The following IDE variants were observed in gnomAD, a reference collection of about 807,000 sequenced individuals.
The protein encoded by IDE is insulin degrading enzyme, also known as insulin-degrading enzyme.
In IDE, 58 loss-of-function variants were observed where a neutral mutation model predicts 133.2. The ratio of observed to expected loss-of-function variants is 0.44; its 90% confidence interval spans 0.35 to 0.54. IDE has a LOEUF of 0.54. IDE is among the 20% of genes least tolerant of loss of function. The pLI is 0.00. For missense variants in IDE, 981 were observed against 1,234.0 expected, an observed-to-expected ratio of 0.79 and a Z score of 3.07; for synonymous variants, 396 against 421.3, an observed-to-expected ratio of 0.94 and a Z score of 0.73.
At chr10:92,569,880 TG>T (rs1036332764) in intron 1 of IDE, among the ~76,000 whole-genome samples, 2 of 151,942 alleles carry the variant, frequency 1.3e-5, no homozygotes, top group African/African-American at 2.4e-5. Flanking sequence ...GAGGCCAAGG[TG>T]GGCAGATCAC....
chr10:92,493,180 T>C (rs77479858), intron 11 of IDE, among the ~76,000 whole-genome samples: 1 of 152,130 alleles, frequency 6.6e-6, no homozygotes, highest in Non-Finnish European at 1.5e-5. Context: ...ACAGAAATCA[T>C]ATAGCTATAT....
In IDE at chr10:92,541,556, A is replaced by T. The variant is rs116315749; in HGVS notation, c.99-4006T>A. 2.0e-5 allele frequency among the ~76,000 whole-genome samples: 3 copies of T among 152,202 alleles called. No individual in the cohort carries two copies. The South Asian group carries it at 6.2e-4, about 31-fold the overall frequency. On this transcript the variant is annotated intron_variant, in intron 1 of 24. Coordinates refer to ENST00000265986, the MANE Select transcript of IDE (RefSeq NM_004969.4). The stretch of plus-strand genomic sequence containing the variant: ...TTATATTTTTAACTTGTTAAAGTTA[A>T]AATTTTAGGAGCAATAAAATTACTT...
At chr10:92,486,242 T>A (rs1846987705) in intron 13 of IDE, among the ~76,000 whole-genome samples, 2 of 151,920 alleles carry the variant, frequency 1.3e-5, no homozygotes, top group South Asian at 4.2e-4. Flanking sequence ...CCCAGCTACT[T>A]GGGAGGCTAA....
chr10:92,482,341 TAAGTA>T (rs1484986310), intron 14 of IDE, among the ~76,000 whole-genome samples: 2 of 152,194 alleles, frequency 1.3e-5, no homozygotes, highest in African/African-American at 2.4e-5. Context: ...AACACACAAA[TAAGTA>T]AAGGAAGACA....
chr10:92,472,094 G>A (rs971890249), intron 17 of IDE, among the ~76,000 whole-genome samples: 1 of 152,076 alleles, frequency 6.6e-6, no homozygotes, highest in Non-Finnish European at 1.5e-5. Context: ...AGCCATTCTG[G>A]CATTTTGGAT....
chr10:92,474,967 G>A lies in IDE; in HGVS notation c.1996-6C>T, dbSNP rs1287744936. 6.3e-7 allele frequency: 1 copy of A among 1,592,094 alleles called. No homozygotes were observed. The highest frequency in any genetic ancestry group is 8.5e-7 in the Non-Finnish European group (1 of 1,171,836). On this transcript the variant is annotated splice_region_variant and splice_polypyrimidine_tract_variant and intron_variant, in intron 16 of 24. Coordinates refer to ENST00000265986, the MANE Select transcript of IDE (RefSeq NM_004969.4). ...TTGTTAAGAGATCGCATATACTAGT[G>A]AAAGAGACATGCGTTCATTAATTTT...
chr10:92,566,802 C>T (rs1050493870), intron 1 of IDE, among the ~76,000 whole-genome samples: 2 of 152,064 alleles, frequency 1.3e-5, no homozygotes, highest in East Asian at 1.9e-4. Flanking sequence ...GACTACCCCC[C>T]ACCCAAAAAA....
In IDE at chr10:92,454,225, A is replaced by T. The variant is rs1039574184; in HGVS notation, c.*219T>A. On this transcript the variant is annotated 3_prime_UTR_variant, in exon 25 of 25. Coordinates refer to ENST00000265986, the MANE Select transcript of IDE (RefSeq NM_004969.4). ...TCTCAGTAATCAAAAGAAAAATTTT[A>T]AAATATTTAAGAGGCATGTATTTAA... The T allele has an allele frequency of 2.7e-6, 1 of 364,732 alleles. No homozygotes were observed. Among genetic ancestry groups the T allele is most frequent in the African/African-American group, 2.1e-5 (1 of 48,674 alleles). The allele number at this position is 364,732 out of a possible 1,614,324, so 22.6% of individuals were successfully genotyped here.
intron 11 of IDE, among the ~76,000 whole-genome samples, chr10:92,501,175 C>T (rs907983492): frequency 3.4e-5 from 5 of 147,808 alleles, no homozygotes; most frequent in African/African-American, 1.0e-4. Flanking sequence ...ATCTGGGCAA[C>T]ATAGTGAGAC....
intron 10 of IDE, among the ~76,000 whole-genome samples, chr10:92,506,184 T>C (rs1021708533): frequency 6.6e-5 from 10 of 152,224 alleles, no homozygotes; most frequent in African/African-American, 2.2e-4. Context: ...ACACCTGATA[T>C]GCTGTAGAAC....
chr10:92,557,268 G>A (rs773774638), intron 1 of IDE, among the ~76,000 whole-genome samples: 7 of 152,148 alleles, frequency 4.6e-5, no homozygotes, highest in Non-Finnish European at 7.3e-5. Context: ...CAGGCACGGC[G>A]GCTCACACCT....
chr10:92,529,727 T>A (rs1390495142), intron 4 of IDE, among the ~76,000 whole-genome samples: 1 of 152,032 alleles, frequency 6.6e-6, no homozygotes. Flanking sequence ...AAAAAAATGT[T>A]CCTTGTTTGT....
intron 5 of IDE, among the ~76,000 whole-genome samples, chr10:92,512,830 G>A (rs544186207): frequency 6.6e-6 from 1 of 152,198 alleles, no homozygotes; most frequent in African/African-American, 2.4e-5. Context: ...GGTAACAAAA[G>A]TTACCATAAT....
At chr10:92,510,241 T>C (rs538355472) in intron 5 of IDE, 79 bp from the exon 6 acceptor site, 1 of 704,976 alleles carries the variant, frequency 1.4e-6, no homozygotes, top group East Asian at 2.6e-5. Flanking sequence ...TCTTAGGATC[T>C]CCTGAAAAGT....
Position 92,468,914 on chromosome 10 carries a change from T to C in IDE, c.2285A>G (p.Gln762Arg). ...HAHTKPLLPS[Q>R]LVRYREVQLP... Reference sequence around the variant, plus strand: ...CTGAACTTCTCTATACCGAACCAGCTGACTTGGAAGGAGAGGTTTGGTATG... The same window carrying C: ...CTGAACTTCTCTATACCGAACCAGCCGACTTGGAAGGAGAGGTTTGGTATG... Residue 762 changes from glutamine (Q) to arginine (R), a missense_variant, in exon 19 of 25, where the codon CAG becomes CGG. This residue lies in a region of IDE where 660 missense variants were observed against 894.7 expected (regional missense o/e 0.74). Coordinates refer to ENST00000265986, the MANE Select transcript of IDE (RefSeq NM_004969.4). The C allele has an allele frequency of 1.2e-6, 2 of 1,612,170 alleles. No individual in the cohort carries two copies. Among genetic ancestry groups the C allele is most frequent in the Non-Finnish European group, 1.7e-6 (2 of 1,178,218 alleles).
At chr10:92,557,554 A>C (rs141177336) in intron 1 of IDE, among the ~76,000 whole-genome samples, 1 of 152,110 alleles carries the variant, frequency 6.6e-6, no homozygotes, top group Middle Eastern at 3.4e-3. Context: ...AGATTAATGG[A>C]ACAGAACAGA....
intron 11 of IDE, among the ~76,000 whole-genome samples, chr10:92,492,394 C>T (rs1847409088): frequency 6.6e-6 from 1 of 152,082 alleles, no homozygotes; most frequent in South Asian, 2.1e-4. Context: ...CTAAGCCATC[C>T]CTGTGTAGCA....
intron 22 of IDE, among the ~76,000 whole-genome samples, chr10:92,458,533 G>A (rs189954628): frequency 3.0e-4 from 36 of 121,822 alleles, no homozygotes; most frequent in Admixed American, 1.5e-3. Flanking sequence ...ATGGAGTCTC[G>A]CTCTGTCGCC....
intron 19 of IDE, among the ~76,000 whole-genome samples, chr10:92,466,643 A>G (rs1311796044): frequency 1.5e-5 from 2 of 134,636 alleles, no homozygotes; most frequent in East Asian, 4.3e-4. Flanking sequence ...TTTGAGACGG[A>G]GTCTGGCTCT....
Sources: allele counts gnomAD v4.1 joint callset (sites outside exome capture counted in the v4.1 genomes callset), GRCh38; gene constraint gnomAD v4.1.1; regional missense constraint gnomAD v4.1.1; transcripts MANE v1.5; gene names NCBI Gene and HGNC (gene_info 2026-07-23, HGNC 2026-07-21).